The following SLC38A12 variants were observed in gnomAD, a reference collection of about 807,000 sequenced individuals.
The protein encoded by SLC38A12 is solute carrier family 38 member 12.
the SLC38A12 span, chr17:74,839,542 C>T: frequency 1.2e-5 from 2 of 170,390 alleles, no homozygotes; most frequent in Non-Finnish European, 2.5e-5. Context: ...GGGTAACCTC[C>T]GCTGAGGGTC....
chr17:74,777,942 A>G, the SLC38A12 span, among the ~76,000 whole-genome samples: 1 of 152,180 alleles, frequency 6.6e-6, no homozygotes, highest in Non-Finnish European at 1.5e-5. Flanking sequence ...GTTCATCTCC[A>G]GGCTACCACA....
the SLC38A12 span, among the ~76,000 whole-genome samples, chr17:74,833,410 G>A: frequency 2.0e-5 from 3 of 152,238 alleles, no homozygotes; most frequent in Non-Finnish European, 2.9e-5. Flanking sequence ...TCTGGAGGAC[G>A]CCAGTTAGAA....
chr17:74,838,876 C>G, the SLC38A12 span: 4 of 1,534,256 alleles, frequency 2.6e-6, no homozygotes, highest in Non-Finnish European at 3.5e-6. Flanking sequence ...CTTGTGGTTT[C>G]CATTTTGCAG....
chr17:74,787,628 C>CA, the SLC38A12 span, among the ~76,000 whole-genome samples: 308 of 129,346 alleles, frequency 2.4e-3, 4 homozygotes, highest in South Asian at 4.9e-3. Context: ...GACTCCGTCT[C>CA]AAAAAAAAAA....
the SLC38A12 span, among the ~76,000 whole-genome samples, chr17:74,800,950 A>T: frequency 1.3e-5 from 2 of 152,228 alleles, no homozygotes; most frequent in African/African-American, 4.8e-5. Context: ...ACAGCCTGTC[A>T]AGAGTGTCCC....
the SLC38A12 span, among the ~76,000 whole-genome samples, chr17:74,778,089 G>A: frequency 3.9e-5 from 6 of 152,286 alleles, no homozygotes; most frequent in South Asian, 2.1e-4. Flanking sequence ...CTTGGATGGC[G>A]TAAGAAGCAG....
the SLC38A12 span, among the ~76,000 whole-genome samples, chr17:74,807,408 G>A: frequency 6.6e-6 from 1 of 152,250 alleles, no homozygotes; most frequent in East Asian, 1.9e-4. Context: ...GAGGGAAACT[G>A]CTTACAGGTG....
chr17:74,806,167 C>G, the SLC38A12 span, among the ~76,000 whole-genome samples: 9 of 152,254 alleles, frequency 5.9e-5, no homozygotes, highest in African/African-American at 2.2e-4. Context: ...CTGTCACTTG[C>G]GACACAGCCC....
At chr17:74,807,157 G>A in the SLC38A12 span, among the ~76,000 whole-genome samples, 10 of 117,144 alleles carry the variant, frequency 8.5e-5, no homozygotes, top group East Asian at 2.0e-3. Flanking sequence ...GTGCTGTCAC[G>A]GCCTGGCCCA....
the SLC38A12 span, among the ~76,000 whole-genome samples, chr17:74,807,365 A>G: frequency 6.6e-6 from 1 of 152,236 alleles, no homozygotes; most frequent in Non-Finnish European, 1.5e-5. Flanking sequence ...AGCATGGCCC[A>G]TCGCAGCGTG....
chr17:74,784,612 G>A, the SLC38A12 span, among the ~76,000 whole-genome samples: 1 of 152,152 alleles, frequency 6.6e-6, no homozygotes, highest in Non-Finnish European at 1.5e-5. Context: ...CTTCTGGGAG[G>A]GAGGATTGGC....
the SLC38A12 span, among the ~76,000 whole-genome samples, chr17:74,799,569 C>T: frequency 6.6e-6 from 1 of 152,180 alleles, no homozygotes. Flanking sequence ...TCCGGACACC[C>T]CCTTGAAGAA....
chr17:74,815,204 A>G, the SLC38A12 span, among the ~76,000 whole-genome samples: 37,176 of 152,074 alleles, frequency 0.24, 4,916 homozygotes, highest in East Asian at 0.42. Flanking sequence ...GGCCATGAGC[A>G]TGAAATGAAA....
At chr17:74,791,354 G>A in the SLC38A12 span, among the ~76,000 whole-genome samples, 246 of 149,018 alleles carry the variant, frequency 1.7e-3, 5 homozygotes, top group Admixed American at 0.01. Flanking sequence ...CTACTCCAGC[G>A]GAGGTCAGGA....
At chr17:74,778,486 G>A in the SLC38A12 span, among the ~76,000 whole-genome samples, 1 of 152,128 alleles carries the variant, frequency 6.6e-6, no homozygotes, top group African/African-American at 2.4e-5. Flanking sequence ...GCATTGTGGT[G>A]TGATGGACAA....
the SLC38A12 span, among the ~76,000 whole-genome samples, chr17:74,803,050 T>C: frequency 1.3e-5 from 2 of 152,194 alleles, no homozygotes; most frequent in Non-Finnish European, 2.9e-5. Context: ...AACCCCATTA[T>C]ATGAAAATCC....
At chr17:74,786,042 T>C in the SLC38A12 span, among the ~76,000 whole-genome samples, 3 of 152,234 alleles carry the variant, frequency 2.0e-5, no homozygotes, top group Non-Finnish European at 4.4e-5. Flanking sequence ...TTACTTAAGG[T>C]AATTCACGAA....
chr17:74,778,362 C>T, the SLC38A12 span, among the ~76,000 whole-genome samples: 322 of 152,324 alleles, frequency 2.1e-3, 1 homozygote, highest in African/African-American at 7.1e-3. Context: ...AGCAGCACTG[C>T]CCTAAGTAGC....
the SLC38A12 span, among the ~76,000 whole-genome samples, chr17:74,824,038 A>G: frequency 1.3e-5 from 2 of 152,188 alleles, no homozygotes; most frequent in Non-Finnish European, 2.9e-5. Context: ...GAGTGGCCTC[A>G]AGATGAGCCT....
Sources: gnomAD v4.1 joint callset for allele counts (sites outside exome capture counted in the v4.1 genomes callset) on GRCh38, gnomAD v4.1.1 for gene constraint, MANE v1.5 for transcripts, NCBI Gene and HGNC (gene_info 2026-07-23, HGNC 2026-07-21) for gene names.